Variants in CHURC1 observed in about 807,000 individuals in gnomAD.
CHURC1 encodes the protein churchill domain containing 1, also known as protein Churchill.
A neutral mutation model predicts 15.4 loss-of-function variants in CHURC1; 12 were observed. The ratio of observed to expected loss-of-function variants is 0.78; its 90% CI spans 0.50 to 1.27. The LOEUF (loss-of-function observed/expected upper bound fraction) is 1.27. Among genes scored for constraint, CHURC1 ranks in the 50% most tolerant of loss-of-function variants. The pLI is 0.00. For synonymous variants in CHURC1, 42 were observed against 47.5 expected (o/e 0.88, Z 0.48); for missense variants, 132 against 137.8 (o/e 0.96, Z 0.21).
chr14:64,934,858 T>C lies in CHURC1; in HGVS notation c.*2628T>C. On this transcript the variant is annotated 3_prime_UTR_variant, in exon 4 of 4. Transcript: ENST00000549115. ...ATAATTATCTATTTGTTTTGGACTA[T>C]ATGTTACAAAAATTTAAAACATAAG... 2 of 984,810 alleles carry C rather than the reference T, an allele frequency of 2.0e-6. No homozygotes were observed. Among genetic ancestry groups the C allele is most frequent in the African/African-American group, 1.7e-5 (1 of 57,338 alleles). 61.0% of individuals were successfully genotyped at this position (984,810 alleles called of 1,614,324 possible). A position where few individuals can be genotyped will look rare whatever the true frequency, so the allele number is the denominator to read the frequency against.
intron 1 of CHURC1, among the ~76,000 whole-genome samples, chr14:64,923,736 A>ACATAGTGG (rs1343109918): frequency 6.7e-6 from 1 of 149,056 alleles, no homozygotes; most frequent in Non-Finnish European, 1.5e-5. Context: ...TCCCTTTTCA[A>ACATAGTGG]CATAGTGGCA....
chr14:64,933,690 A>G lies in CHURC1; in HGVS notation c.*1460A>G, dbSNP rs1885198484. On this transcript the variant is annotated 3_prime_UTR_variant, in exon 4 of 4. Coordinates refer to ENST00000549115, the MANE Select transcript of CHURC1 (RefSeq NM_001386928.1). ...TGCTCATTCTGAGACCTAAATTTAA[A>G]GGGTCAGGCATTAGAAACAAAAGTG... 1.0e-6 allele frequency: 1 copy of G among 985,368 alleles called. No homozygotes were observed. The highest frequency in any genetic ancestry group is 1.2e-6 in the Non-Finnish European group (1 of 829,954). 61.0% of individuals were successfully genotyped at this position (985,368 alleles called of 1,614,324 possible).
chr14:64,923,532 A>G (rs1287865427), intron 1 of CHURC1, among the ~76,000 whole-genome samples: 1 of 152,152 alleles, frequency 6.6e-6, no homozygotes, highest in Non-Finnish European at 1.5e-5. Flanking sequence ...GATCAAAACT[A>G]TTTGAACAAA....
chr14:64,924,089 G>T lies in CHURC1; in HGVS notation c.138G>T (p.Leu46Phe). 6 of 1,608,778 alleles carry T rather than the reference G, an allele frequency of 3.7e-6. No individual in the cohort carries two copies. The highest frequency in any genetic ancestry group is 5.1e-6 in the Non-Finnish European group (6 of 1,177,216). ...TTATGCTGATCACAAACAAATCCTT[G>T]AAAGAAGAAGATGGAGAAGAAATAG... ...RDFMLITNKS[L>F]KEEDGEEIVT... The change falls in exon 2 of 4, where the codon TTG becomes TTT. Residue 46 changes from leucine (L) to phenylalanine (F), a missense_variant. Physicochemically the swap from Leu to Phe is conservative, Grantham distance 22 (BLOSUM62 0). Coordinates refer to ENST00000549115, the MANE Select transcript of CHURC1 (RefSeq NM_001386928.1).
intron 3 of CHURC1, among the ~76,000 whole-genome samples, chr14:64,930,232 ATGAC>A (rs750722968): frequency 8.1e-4 from 123 of 152,160 alleles, no homozygotes; most frequent in Admixed American, 2.5e-3. Context: ...GTCCCTGTGA[ATGAC>A]TGGGGGAATT....
chr14:64,915,175 CCT>C (rs1425393243), intron 1 of CHURC1, among the ~76,000 whole-genome samples: 1 of 152,208 alleles, frequency 6.6e-6, no homozygotes, highest in Admixed American at 6.5e-5. Context: ...GATTATTTCT[CCT>C]CTCTTTGAGA....
intron 1 of CHURC1, among the ~76,000 whole-genome samples, chr14:64,922,515 T>G (rs1884376586): frequency 6.7e-6 from 1 of 148,360 alleles, no homozygotes. Flanking sequence ...GAGGTGGAGC[T>G]TGCAGTGAGC....
intron 1 of CHURC1, 95 bp downstream of exon 1, chr14:64,914,629 C>G (rs1883729167): frequency 1.3e-5 from 21 of 1,583,046 alleles, no homozygotes; most frequent in Middle Eastern, 1.8e-4. Flanking sequence ...GTGGGGCGGA[C>G]TCGGCCGCAC....
intron 1 of CHURC1, among the ~76,000 whole-genome samples, chr14:64,921,606 A>G (rs143833035): frequency 3.4e-4 from 52 of 152,330 alleles, no homozygotes; most frequent in African/African-American, 1.2e-3. Flanking sequence ...TAAAACTACA[A>G]TGAGATACCA....
At chr14:64,914,712 A>G (rs757607481) in intron 1 of CHURC1, among the ~76,000 whole-genome samples, 178 bp downstream of exon 1, 1 of 152,154 alleles carries the variant, frequency 6.6e-6, no homozygotes, top group South Asian at 2.1e-4. Context: ...CACCTCTGGT[A>G]CCCGCCCTGG....
At chr14:64,919,264 C>CTT (rs1884107263) in intron 1 of CHURC1, among the ~76,000 whole-genome samples, 1 of 152,080 alleles carries the variant, frequency 6.6e-6, no homozygotes, top group South Asian at 2.1e-4. Flanking sequence ...TTAATTTCAG[C>CTT]TTGAAATTTT....
Position 64,924,067 on chromosome 14 carries a change from T to C in CHURC1, c.116T>C (p.Met39Thr), listed in dbSNP as rs1228419515. Reference sequence around the variant, plus strand: ...GCAGTGTGCAGTAAGCGGGATTTTATGCTGATCACAAACAAATCCTTGAAA... The same window carrying C: ...GCAGTGTGCAGTAAGCGGGATTTTACGCTGATCACAAACAAATCCTTGAAA... ...GCAVCSKRDF[M>T]LITNKSLKEE... The change falls in exon 2 of 4, where the codon ATG (methionine) becomes ACG (threonine). Residue 39 changes from methionine to threonine, a missense_variant. Met to Thr is a moderately conservative substitution (Grantham distance 81). Coordinates refer to ENST00000549115, the MANE Select transcript of CHURC1 (RefSeq NM_001386928.1). 6.2e-7 allele frequency: 1 copy of C among 1,608,416 alleles called. No individual in the cohort carries two copies. Among genetic ancestry groups the C allele is most frequent in the East Asian group, 2.2e-5 (1 of 44,672 alleles).
At chr14:64,916,930 A>G (rs920766290) in intron 1 of CHURC1, among the ~76,000 whole-genome samples, 2 of 152,160 alleles carry the variant, frequency 1.3e-5, no homozygotes, top group African/African-American at 4.8e-5. Flanking sequence ...AGTCATATTG[A>G]GAAGTTTAGA....
chr14:64,914,568 G>A (rs535384093), intron 1 of CHURC1, 34 bp downstream of exon 1: 2 of 1,613,478 alleles, frequency 1.2e-6, no homozygotes, highest in Admixed American at 1.7e-5. Context: ...GCCCGCGGGC[G>A]GCCCCCGAGG....
chr14:64,917,468 C>T (rs551737791), intron 1 of CHURC1, among the ~76,000 whole-genome samples: 70 of 152,190 alleles, frequency 4.6e-4, no homozygotes, highest in African/African-American at 1.3e-3. Flanking sequence ...GAGGCTGAGG[C>T]GGTAGAATCG....
chr14:64,930,316 A>G (rs951023194), intron 3 of CHURC1, among the ~76,000 whole-genome samples: 5 of 152,122 alleles, frequency 3.3e-5, no homozygotes, highest in Non-Finnish European at 5.9e-5. Flanking sequence ...GCACGAGGAG[A>G]TCTGTTCCTG....
chr14:64,928,223 T>C (rs1217803918), intron 3 of CHURC1, among the ~76,000 whole-genome samples: 1 of 152,184 alleles, frequency 6.6e-6, no homozygotes, highest in Non-Finnish European at 1.5e-5. Flanking sequence ...TAATCATTTC[T>C]TCTTCCTCTT....
At chr14:64,916,084 T>TG (rs1883863171) in intron 1 of CHURC1, among the ~76,000 whole-genome samples, 1 of 152,192 alleles carries the variant, frequency 6.6e-6, no homozygotes, top group Non-Finnish European at 1.5e-5. Flanking sequence ...GTCAATAGTG[T>TG]GGAGGTAGAG....
chr14:64,920,752 G>A (rs968128186), intron 1 of CHURC1, among the ~76,000 whole-genome samples: 2 of 152,166 alleles, frequency 1.3e-5, no homozygotes, highest in Non-Finnish European at 2.9e-5. Context: ...TTTGAAATTG[G>A]CATTTAGATC....
Sources: gnomAD v4.1 joint callset for allele counts (sites outside exome capture counted in the v4.1 genomes callset) on GRCh38, gnomAD v4.1.1 for gene constraint, MANE v1.5 for transcripts, NCBI Gene and HGNC (gene_info 2026-07-23, HGNC 2026-07-21) for gene names.